GNAQ: variants seen among roughly 807,000 people sequenced by gnomAD.
GNAQ encodes G protein subunit alpha q.
In GNAQ, 8 loss-of-function variants were observed where a neutral mutation model predicts 43.9. The observed-to-expected ratio is 0.18, with a 90% CI of 0.11 to 0.33. The LOEUF (loss-of-function observed/expected upper bound fraction) is 0.33, where lower values mean the gene tolerates loss of function less well. GNAQ is among the 10% of genes least tolerant of loss of function. The pLI, the probability that GNAQ is intolerant of heterozygous loss-of-function variation, is 1.00. For missense variants in GNAQ, 158 were observed against 450.8 expected, an observed-to-expected ratio of 0.35 and a Z score of 5.88; for synonymous variants, 155 against 170.7, an observed-to-expected ratio of 0.91 and a Z score of 0.71.
At chr9:77,834,681 G>A (rs1370229094) in intron 2 of GNAQ, among the ~76,000 whole-genome samples, 1 of 152,138 alleles carries the variant, frequency 6.6e-6, no homozygotes, top group Non-Finnish European at 1.5e-5. Context: ...GGATGCTGGT[G>A]GGAGCAAGAG....
intron 6 of GNAQ, among the ~76,000 whole-genome samples, chr9:77,725,884 T>C (rs918706161): frequency 1.3e-5 from 2 of 152,206 alleles, no homozygotes; most frequent in Admixed American, 6.5e-5. Flanking sequence ...GCTCTATCTG[T>C]TCTGCATCCT....
At position 77,829,981 on chromosome 9, in the gene GNAQ, T is replaced by C. The variant is rs373382375; in HGVS notation, c.322-14211A>G. Among the ~76,000 whole-genome samples, 13 of 152,198 alleles carry C rather than the reference T, an allele frequency of 8.5e-5. No homozygotes were observed. In the East Asian group the frequency reaches 1.5e-3, roughly 18 times the overall value. On this transcript the variant is annotated intron_variant, in intron 2 of 6. Transcript: ENST00000286548. ...TTTTTCTTTTTTTGAGACAGGGTCTTACTCTTTTGCCAGGCTGAAGTGAGT... is the reference window on the plus strand; with the variant it reads ...TTTTTCTTTTTTTGAGACAGGGTCTCACTCTTTTGCCAGGCTGAAGTGAGT...
intron 3 of GNAQ, 62 bp from the exon 4 acceptor site, chr9:77,797,710 A>T: frequency 1.3e-6 from 2 of 1,513,172 alleles, no homozygotes; most frequent in Non-Finnish European, 1.8e-6. Context: ...CTGTCTACGG[A>T]AAGGGAAGGA....
intron 1 of GNAQ, among the ~76,000 whole-genome samples, chr9:77,977,546 T>C (rs1823319617): frequency 6.6e-6 from 1 of 152,104 alleles, no homozygotes; most frequent in South Asian, 2.1e-4. Context: ...AGGAAGTTCC[T>C]GGGAGGAAGT....
rs2118182389 is a variant in GNAQ, at chr9:77,718,894, C to T, written c.*2429G>A. Reference sequence around the variant, plus strand: ...GAGGTAATACTAAACTGTGCATTTGCCAAATAAGAATATGAATTGTATAAA... The same window carrying T: ...GAGGTAATACTAAACTGTGCATTTGTCAAATAAGAATATGAATTGTATAAA... On this transcript the variant is annotated 3_prime_UTR_variant, in exon 7 of 7. Transcript: ENST00000286548. 2 of 232,156 alleles carry T rather than the reference C, an allele frequency of 8.6e-6. No individual in the cohort carries two copies. Among genetic ancestry groups the T allele is most frequent in the East Asian group, 1.2e-4 (2 of 16,456 alleles). 14.4% of individuals were successfully genotyped at this position (232,156 alleles called of 1,614,324 possible).
chr9:78,024,101 T>C (rs1823946365), intron 1 of GNAQ, among the ~76,000 whole-genome samples: 2 of 152,244 alleles, frequency 1.3e-5, no homozygotes, highest in African/African-American at 2.4e-5. Context: ...GATTGTCAGA[T>C]TTCAAAGAAC....
intron 1 of GNAQ, among the ~76,000 whole-genome samples, chr9:78,021,455 A>G (rs1823908446): frequency 6.6e-6 from 1 of 152,252 alleles, no homozygotes; most frequent in Admixed American, 6.5e-5. Context: ...CATGCTATAG[A>G]TGTTTCTACC....
chr9:77,760,674 T>A (rs1362227277), intron 5 of GNAQ, among the ~76,000 whole-genome samples: 1 of 150,574 alleles, frequency 6.6e-6, no homozygotes, highest in African/African-American at 2.4e-5. Context: ...ACCCATCATC[T>A]GGGATGTTAG....
At chr9:77,753,278 C>T (rs999410838) in intron 5 of GNAQ, among the ~76,000 whole-genome samples, 6 of 152,124 alleles carry the variant, frequency 3.9e-5, no homozygotes, top group African/African-American at 7.2e-5. Flanking sequence ...TACACATGCG[C>T]GTGCGCACGC....
chr9:78,022,562 T>C (rs1322667695), intron 1 of GNAQ, among the ~76,000 whole-genome samples: 1 of 152,198 alleles, frequency 6.6e-6, no homozygotes, highest in Admixed American at 6.5e-5. Flanking sequence ...ACAAAATTAG[T>C]CTGCCATTGT....
At chr9:77,903,298 C>A (rs568702447) in intron 2 of GNAQ, among the ~76,000 whole-genome samples, 1 of 152,258 alleles carries the variant, frequency 6.6e-6, no homozygotes, top group African/African-American at 2.4e-5. Flanking sequence ...GGAAGCTATT[C>A]CCTAGAGAAG....
chr9:77,815,754 A>G lies in GNAQ; in HGVS notation c.338T>C (p.Val113Ala). The change falls in exon 3 of 7, where the codon GTT (valine) becomes GCT (alanine). Residue 113 changes from valine (V) to alanine (A), a missense_variant. By Grantham distance (64) the Val-to-Ala change is moderately conservative. This residue lies in a region of GNAQ where 57 missense variants were observed against 78.2 expected (regional missense o/e 0.73). Transcript: ENST00000286548. Reference protein sequence around the residue: ...YEHNKAHAQLVREVDVEKVSA... With the variant: ...YEHNKAHAQLAREVDVEKVSA... ...CACCTTCTCCACATCAACTTCTCGA[A>G]CTAATTGTGCATGAGCCTGTTTAAA... is the stretch of plus-strand genomic sequence containing the variant. The G allele has an allele frequency of 1.9e-6, 3 of 1,611,762 alleles. No individual in the cohort carries two copies. Among genetic ancestry groups the G allele is most frequent in the Non-Finnish European group, 2.5e-6 (3 of 1,178,324 alleles).
chr9:77,835,622 T>C (rs1431053032), intron 2 of GNAQ, among the ~76,000 whole-genome samples: 8 of 152,334 alleles, frequency 5.3e-5, no homozygotes, highest in Non-Finnish European at 2.9e-5. Context: ...GGCACCATTC[T>C]AAGCAGTTAA....
At chr9:77,749,554 A>G (rs1825780504) in intron 5 of GNAQ, among the ~76,000 whole-genome samples, 1 of 152,206 alleles carries the variant, frequency 6.6e-6, no homozygotes, top group African/African-American at 2.4e-5. Context: ...CTAAATGCAT[A>G]TAATTTTTCT....
At chr9:77,862,392 G>A (rs1827869021) in intron 2 of GNAQ, among the ~76,000 whole-genome samples, 1 of 152,304 alleles carries the variant, frequency 6.6e-6, no homozygotes, top group South Asian at 2.1e-4. Flanking sequence ...AAATCTAGGT[G>A]GAGGTTCCCA....
intron 1 of GNAQ, among the ~76,000 whole-genome samples, chr9:77,995,680 C>G (rs1260369358): frequency 1.3e-5 from 2 of 151,920 alleles, no homozygotes; most frequent in Non-Finnish European, 2.9e-5. Flanking sequence ...TGGGGTCTCA[C>G]TATGTTGCCT....
chr9:77,953,646 CCTT>C (rs1410251630), intron 1 of GNAQ, among the ~76,000 whole-genome samples: 1 of 152,158 alleles, frequency 6.6e-6, no homozygotes, highest in Non-Finnish European at 1.5e-5. Flanking sequence ...TAGTGGCAGG[CCTT>C]CTTTCTTAAC....
At chr9:77,947,467 T>C (rs2118364293) in intron 1 of GNAQ, among the ~76,000 whole-genome samples, 1 of 152,286 alleles carries the variant, frequency 6.6e-6, no homozygotes, top group Non-Finnish European at 1.5e-5. Context: ...GTGTGACTGG[T>C]TGTGTATGCA....
intron 5 of GNAQ, among the ~76,000 whole-genome samples, chr9:77,739,166 G>C (rs79761748): frequency 0.069 from 10,521 of 152,150 alleles, 779 homozygotes; most frequent in East Asian, 0.25. Context: ...AAGCGGGAGA[G>C]CTACCCTTTT....
Sources: gnomAD v4.1 joint callset for allele counts (sites outside exome capture counted in the v4.1 genomes callset) on GRCh38, gnomAD v4.1.1 for gene constraint, gnomAD v4.1.1 regional missense constraint, MANE v1.5 for transcripts, NCBI Gene and HGNC (gene_info 2026-07-23, HGNC 2026-07-21) for gene names.